The following DNAH8 variants were observed in gnomAD, a reference collection of about 807,000 sequenced individuals.
DNAH8 encodes axonemal beta dynein heavy chain 8.
DNAH8 carries 382 observed loss-of-function variants against 562.1 expected under a neutral mutation model. The ratio of observed to expected loss-of-function variants is 0.68; its 90% CI spans 0.63 to 0.74. DNAH8 has a LOEUF of 0.74. DNAH8 is among the 30% of genes least tolerant of loss of function. The probability of loss-of-function intolerance (pLI) is 0.00; values close to 1 mark genes in which losing one functional copy is unlikely to be tolerated. For synonymous variants in DNAH8, 1,881 were observed against 1,919.4 expected (o/e 0.98, Z 0.52); for missense variants, 5,203 against 5,620.4 (o/e 0.93, Z 2.37).
chr6:38,869,999 G>A (rs1198403638), intron 48 of DNAH8, among the ~76,000 whole-genome samples: 1 of 152,190 alleles, frequency 6.6e-6, no homozygotes, highest in Non-Finnish European at 1.5e-5. Flanking sequence ...AATCATGCTG[G>A]GAGGTGAATG....
At chr6:38,892,795 T>C (rs1160682856) in intron 58 of DNAH8, among the ~76,000 whole-genome samples, 1 of 152,172 alleles carries the variant, frequency 6.6e-6, no homozygotes, top group Admixed American at 6.5e-5. Context: ...AGACTCCGCT[T>C]ACTTCCCTTG....
At position 38,796,595 on chromosome 6, in the gene DNAH8, A is replaced by G. The variant is rs544867592; in HGVS notation, c.2901+4921A>G. Among the ~76,000 whole-genome samples, 4 of 152,274 alleles carry G rather than the reference A, an allele frequency of 2.6e-5. No homozygotes were observed. In the South Asian group the frequency reaches 6.2e-4, roughly 24 times the overall value. ...GACCCCTGACCTAACTGGTTATGTT[A>G]TCTATAGATTCCAGACATTGTATGG... On this transcript the variant is annotated intron_variant, in intron 21 of 92. Transcript: ENST00000327475.
chr6:38,889,175 G>A (rs563396161), intron 57 of DNAH8, among the ~76,000 whole-genome samples: 31 of 152,312 alleles, frequency 2.0e-4, no homozygotes, highest in African/African-American at 6.7e-4. Flanking sequence ...CAGGCACACA[G>A]TGGCCTGCTG....
chr6:38,799,335 G>C (rs143128822), intron 21 of DNAH8, among the ~76,000 whole-genome samples: 423 of 151,914 alleles, frequency 2.8e-3, no homozygotes, highest in Middle Eastern at 0.024. Flanking sequence ...CTGTCTTCTC[G>C]GTGACCTTGT....
chr6:38,729,372 C>G (rs1582842868), intron 3 of DNAH8, among the ~76,000 whole-genome samples: 1 of 152,144 alleles, frequency 6.6e-6, no homozygotes, highest in East Asian at 1.9e-4. Flanking sequence ...TTTCTATTTA[C>G]TAAGATATTA....
intron 26 of DNAH8, among the ~76,000 whole-genome samples, chr6:38,817,269 A>ATACCTGG: frequency 6.6e-6 from 1 of 152,100 alleles, no homozygotes; most frequent in South Asian, 2.1e-4. Flanking sequence ...CACTTGAACC[A>ATACCTGG]GAGACAGAGG....
Position 38,723,063 on chromosome 6 carries a change from G to T in DNAH8, c.254G>T (p.Arg85Leu), listed in dbSNP as rs1483944490. ...DDHEADLNRV[R>L]QRLAPRPVQS... ...CATGAAGCGGATCTGAATAGAGTTC[G>T]ACAGAGGCTTGCACCGCGACCGGTT... Residue 85 changes from arginine to leucine, a missense_variant, in exon 2 of 93, where the codon CGA becomes CTA. Physicochemically the swap from Arg to Leu is moderately radical, Grantham distance 102 (BLOSUM62 -2). Around this residue, in one of 6 missense-constraint regions of DNAH8, gnomAD observed 556 missense variants for 496.9 expected, o/e 1.12. Transcript: ENST00000327475. The T allele has an allele frequency of 1.2e-6, 2 of 1,612,858 alleles. No homozygotes were observed. The highest frequency in any genetic ancestry group is 1.7e-6 in the Non-Finnish European group (2 of 1,179,894).
At chr6:39,021,954 G>T (rs926940743) in intron 91 of DNAH8, among the ~76,000 whole-genome samples, 2 of 152,180 alleles carry the variant, frequency 1.3e-5, no homozygotes, top group Admixed American at 6.5e-5. Context: ...CTTTCTTTAA[G>T]CCAGCTGATT....
intron 24 of DNAH8, among the ~76,000 whole-genome samples, chr6:38,812,135 A>G (rs970149997): frequency 6.6e-6 from 1 of 152,100 alleles, no homozygotes; most frequent in Non-Finnish European, 1.5e-5. Context: ...CCGAGGCCCC[A>G]TCCCTCATTG....
chr6:38,935,513 A>G (rs1469733525), intron 76 of DNAH8, 79 bp from the exon 77 acceptor site: 1 of 945,340 alleles, frequency 1.1e-6, no homozygotes, highest in Non-Finnish European at 1.6e-6. Context: ...TAAAATTGTT[A>G]ATAAACACTA....
rs72858262 is a variant in DNAH8, at chr6:38,746,181, G to T, written c.1293+4294G>T. Among the ~76,000 whole-genome samples, 3 of 151,978 alleles carry T rather than the reference G, an allele frequency of 2.0e-5. No individual in the cohort carries two copies. The South Asian group carries it at 6.2e-4, about 32-fold the overall frequency. ...TCTCACTGTAGTTATGTATTTGATC[G>T]TTTATTTTCATTAATATAGCCTCAT... On this transcript the variant is annotated intron_variant, in intron 8 of 92. Coordinates refer to ENST00000327475, the MANE Select transcript of DNAH8 (RefSeq NM_001206927.2).
intron 53 of DNAH8, among the ~76,000 whole-genome samples, chr6:38,882,026 G>A (rs1217879643): frequency 1.3e-5 from 2 of 152,160 alleles, no homozygotes; most frequent in African/African-American, 4.8e-5. Flanking sequence ...AGATGGGTGA[G>A]TTAGCAATTT....
intron 30 of DNAH8, among the ~76,000 whole-genome samples, chr6:38,830,244 A>G (rs948074495): frequency 6.6e-6 from 1 of 151,622 alleles, no homozygotes; most frequent in Non-Finnish European, 1.5e-5. Context: ...CTGATTTGAG[A>G]TTTTTTTTCT....
chr6:39,025,295 CT>C (rs987354488), intron 91 of DNAH8, among the ~76,000 whole-genome samples: 2 of 152,204 alleles, frequency 1.3e-5, no homozygotes, highest in Non-Finnish European at 2.9e-5. Flanking sequence ...TTGTTCACGC[CT>C]TTTTTCATAA....
At chr6:38,872,858 T>G in intron 50 of DNAH8, 48 bp from the exon 51 acceptor site, 1 of 1,606,710 alleles carries the variant, frequency 6.2e-7, no homozygotes, top group East Asian at 2.2e-5. Flanking sequence ...TTTTTCCATT[T>G]TAATTACTTG....
Position 38,805,834 on chromosome 6 carries a change from T to C in DNAH8, c.3150+238T>C, listed in dbSNP as rs112106004. Among the ~76,000 whole-genome samples, 1,217 of 152,338 alleles carry C rather than the reference T, an allele frequency of 8.0e-3. 6 individuals are homozygous for C. Among genetic ancestry groups the C allele is most frequent in the Non-Finnish European group, 0.012 (823 of 68,016 alleles). ...CAGTTTATGTAGTCACCTCTCCTCATTGTGATTGACCATGTTTTCTCATAT... is the reference window on the plus strand; with the variant it reads ...CAGTTTATGTAGTCACCTCTCCTCACTGTGATTGACCATGTTTTCTCATAT... On this transcript the variant is annotated intron_variant, in intron 23 of 92. Coordinates refer to ENST00000327475, the MANE Select transcript of DNAH8 (RefSeq NM_001206927.2).
chr6:39,012,832 A>G (rs1766316004), intron 91 of DNAH8, among the ~76,000 whole-genome samples, 195 bp downstream of exon 91: 2 of 152,348 alleles, frequency 1.3e-5, no homozygotes, highest in South Asian at 4.1e-4. Flanking sequence ...AGCTCTTCCT[A>G]TCAATTCTTT....
At position 38,740,582 on chromosome 6, in the gene DNAH8, T is replaced by C. The variant is rs1009257790; in HGVS notation, c.1117-1129T>C. 2.6e-5 allele frequency among the ~76,000 whole-genome samples: 4 copies of C among 152,292 alleles called. No individual in the cohort carries two copies. The East Asian group carries it at 5.8e-4, about 22-fold the overall frequency. Reference sequence around the variant, plus strand: ...TTACTGAATTGCTCACGTTTATTAATTGTAAAAAGTTTGTCTTTAGTCTTT... The same window carrying C: ...TTACTGAATTGCTCACGTTTATTAACTGTAAAAAGTTTGTCTTTAGTCTTT... On this transcript the variant is annotated intron_variant, in intron 7 of 92. Coordinates refer to ENST00000327475, the MANE Select transcript of DNAH8 (RefSeq NM_001206927.2).
chr6:38,743,584 G>T (rs763121614), intron 8 of DNAH8, among the ~76,000 whole-genome samples: 17 of 151,984 alleles, frequency 1.1e-4, no homozygotes, highest in Non-Finnish European at 4.4e-5. Context: ...CCTCTGTCTA[G>T]ATTTGCCTAT....
Sources: allele counts gnomAD v4.1 joint callset (sites outside exome capture counted in the v4.1 genomes callset), GRCh38; gene constraint gnomAD v4.1.1; regional missense constraint gnomAD v4.1.1; transcripts MANE v1.5; gene names NCBI Gene and HGNC (gene_info 2026-07-23, HGNC 2026-07-21).